The following KCND2 variants were observed in gnomAD, a reference collection of about 807,000 sequenced individuals.
KCND2 encodes the protein A-type voltage-gated potassium channel KCND2.
In KCND2, 16 loss-of-function variants were observed where a neutral mutation model predicts 54.4. The ratio of observed to expected loss-of-function variants is 0.29; its 90% confidence interval spans 0.20 to 0.45. The LOEUF (loss-of-function observed/expected upper bound fraction) is 0.45. Among genes scored for constraint, KCND2 ranks in the 20% least tolerant of loss-of-function variants. The pLI, the probability that KCND2 is intolerant of heterozygous loss-of-function variation, is 1.00. For missense variants in KCND2, 486 were observed against 824.2 expected, an observed-to-expected ratio of 0.59 and a Z score of 5.02; for synonymous variants, 317 against 310.7, an observed-to-expected ratio of 1.02 and a Z score of -0.21.
chr7:120,555,717 CA>C (rs1792155709), intron 1 of KCND2, among the ~76,000 whole-genome samples: 2 of 152,120 alleles, frequency 1.3e-5, no homozygotes. Flanking sequence ...AAGATAATGA[CA>C]GTTATTTCAG....
intron 1 of KCND2, among the ~76,000 whole-genome samples, chr7:120,600,641 T>G (rs1792802592): frequency 6.6e-6 from 1 of 152,098 alleles, no homozygotes; most frequent in African/African-American, 2.4e-5. Context: ...ATGATTTGTC[T>G]AATTACCGGA....
In KCND2 at chr7:120,366,072, T is replaced by C. The variant is rs115461659; in HGVS notation, c.1115+90325T>C. Among the ~76,000 whole-genome samples the C allele has an allele frequency of 3.5e-3, 527 of 152,246 alleles. 3 individuals carry two copies. The highest frequency in any genetic ancestry group is 0.012 in the African/African-American group (503 of 41,562). ...AGATGATTCCAGTTAGTAAACAGCA[T>C]TGTGGTGAATCACAGAGTCCCATGA... On this transcript the variant is annotated intron_variant, in intron 1 of 5. Transcript: ENST00000331113.
chr7:120,402,294 G>T (rs1041364967), intron 1 of KCND2, among the ~76,000 whole-genome samples: 1 of 150,262 alleles, frequency 6.7e-6, no homozygotes, highest in Non-Finnish European at 1.5e-5. Context: ...CTTCCCATGT[G>T]CATCCCTTCC....
At chr7:120,357,669 A>T (rs1206382623) in intron 1 of KCND2, among the ~76,000 whole-genome samples, 1 of 151,770 alleles carries the variant, frequency 6.6e-6, no homozygotes, top group Admixed American at 6.6e-5. Flanking sequence ...GCCATAACAA[A>T]CCAGATGACT....
intron 1 of KCND2, among the ~76,000 whole-genome samples, chr7:120,340,983 A>G (rs1378857322): frequency 6.6e-6 from 1 of 152,220 alleles, no homozygotes; most frequent in Non-Finnish European, 1.5e-5. Context: ...AGTAATTCCA[A>G]TGTGTAGTTT....
At chr7:120,536,551 C>T (rs978096260) in intron 1 of KCND2, among the ~76,000 whole-genome samples, 2 of 152,118 alleles carry the variant, frequency 1.3e-5, no homozygotes, top group Non-Finnish European at 2.9e-5. Flanking sequence ...ATTGCTTTAT[C>T]AACAAAATTT....
At chr7:120,382,680 T>TA (rs1800931386) in intron 1 of KCND2, among the ~76,000 whole-genome samples, 1 of 151,908 alleles carries the variant, frequency 6.6e-6, no homozygotes, top group Non-Finnish European at 1.5e-5. Context: ...TAACAAAAGC[T>TA]AAGGTTTAAT....
intron 1 of KCND2, among the ~76,000 whole-genome samples, chr7:120,359,667 C>A (rs1384172687): frequency 6.6e-6 from 1 of 152,084 alleles, no homozygotes; most frequent in Non-Finnish European, 1.5e-5. Flanking sequence ...AAAGTTTCTG[C>A]ATCAAAAAGC....
At chr7:120,623,792 C>A (rs1223804699) in intron 1 of KCND2, among the ~76,000 whole-genome samples, 1 of 151,882 alleles carries the variant, frequency 6.6e-6, no homozygotes, top group African/African-American at 2.4e-5. Context: ...AGAATTTAAC[C>A]AGGTCCTGAA....
At chr7:120,432,501 G>GCACA (rs10574734) in intron 1 of KCND2, among the ~76,000 whole-genome samples, 52 of 137,696 alleles carry the variant, frequency 3.8e-4, no homozygotes, top group African/African-American at 1.3e-3. Flanking sequence ...GTGAATACAC[G>GCACA]CACACACACA....
chr7:120,471,998 C>G (rs1367162497), intron 1 of KCND2, among the ~76,000 whole-genome samples: 1 of 151,718 alleles, frequency 6.6e-6, no homozygotes, highest in Non-Finnish European at 1.5e-5. Flanking sequence ...GTCACTTTAA[C>G]TCTTACTGTT....
chr7:120,478,839 T>G (rs1802565444), intron 1 of KCND2, among the ~76,000 whole-genome samples: 2 of 152,120 alleles, frequency 1.3e-5, no homozygotes, highest in African/African-American at 4.8e-5. Flanking sequence ...GAAGATTTTG[T>G]AAGTATAGCC....
chr7:120,714,312 C>CA (rs11388378), intron 1 of KCND2, among the ~76,000 whole-genome samples: 37,133 of 149,342 alleles, frequency 0.25, 4,972 homozygotes, highest in East Asian at 0.44. Flanking sequence ...TAAGTTTTGA[C>CA]AAAAAAAAAT....
intron 1 of KCND2, among the ~76,000 whole-genome samples, chr7:120,349,345 C>CACAT (rs1377757803): frequency 6.7e-6 from 1 of 149,994 alleles, no homozygotes; most frequent in Non-Finnish European, 1.5e-5. Flanking sequence ...CACACACACA[C>CACAT]ACACAGACAC....
intron 1 of KCND2, among the ~76,000 whole-genome samples, chr7:120,475,156 GA>G (rs1417277701): frequency 1.3e-5 from 2 of 151,304 alleles, no homozygotes; most frequent in Non-Finnish European, 3.0e-5. Context: ...AAAGGCAAAG[GA>G]AAAAAAGGGA....
chr7:120,626,177 A>G lies in KCND2; in HGVS notation c.1116-106726A>G, dbSNP rs192688951. ...TGCTTCATAAATACATAGTTTGTAA[A>G]TTTGCCTGGTCCATTTTTGTTTCTA... On this transcript the variant is annotated intron_variant, in intron 1 of 5. Coordinates refer to ENST00000331113, the MANE Select transcript of KCND2 (RefSeq NM_012281.3). Among the ~76,000 whole-genome samples, 331 of 152,194 alleles carry G rather than the reference A, an allele frequency of 2.2e-3. 1 individual carries two copies. Among genetic ancestry groups the G allele is most frequent in the African/African-American group, 7.8e-3 (323 of 41,550 alleles).
At chr7:120,635,728 A>C (rs1289372293) in intron 1 of KCND2, among the ~76,000 whole-genome samples, 1 of 152,198 alleles carries the variant, frequency 6.6e-6, no homozygotes, top group Non-Finnish European at 1.5e-5. Context: ...GATCTTTAAG[A>C]ACATCTTTGA....
intron 1 of KCND2, among the ~76,000 whole-genome samples, chr7:120,460,084 C>A (rs1465808758): frequency 6.6e-6 from 1 of 152,106 alleles, no homozygotes. Flanking sequence ...CTTGCTCCAA[C>A]TTGAAAAGAG....
intron 1 of KCND2, among the ~76,000 whole-genome samples, chr7:120,389,686 TA>T (rs1420244793): frequency 6.6e-6 from 1 of 151,966 alleles, no homozygotes; most frequent in East Asian, 1.9e-4. Context: ...TTTTTGTTGA[TA>T]TTACAGTATT....
Sources: gnomAD v4.1 joint callset for allele counts (sites outside exome capture counted in the v4.1 genomes callset) on GRCh38, gnomAD v4.1.1 for gene constraint, MANE v1.5 for transcripts, NCBI Gene and HGNC (gene_info 2026-07-23, HGNC 2026-07-21) for gene names.